Variants in LUC7L2 observed in about 807,000 individuals in gnomAD.
LUC7L2 encodes the protein LUC7 like 2, pre-mRNA splicing factor.
In LUC7L2, 25 loss-of-function variants were observed where a neutral mutation model predicts 52.8. The observed-to-expected ratio is 0.47, with a 90% confidence interval of 0.34 to 0.66. LUC7L2 has a LOEUF of 0.66. Ranked by LOEUF, LUC7L2 falls within the 30% of genes least tolerant of loss-of-function variation. The probability of loss-of-function intolerance (pLI) is 0.01; values close to 1 mark genes in which losing one functional copy is unlikely to be tolerated. For missense variants in LUC7L2, 328 were observed against 497.8 expected, an observed-to-expected ratio of 0.66 and a Z score of 3.25; for synonymous variants, 144 against 160.9, an observed-to-expected ratio of 0.89 and a Z score of 0.80.
At chr7:139,359,043 T>C (rs1423895210), upstream of LUC7L2, 1 of 152,218 alleles carries the variant, frequency 6.6e-6, no homozygotes, top group Non-Finnish European at 1.5e-5. Context: ...GGGCTAAGTA[T>C]TTTATTCCAG....
chr7:139,417,542 A>G lies in LUC7L2; in HGVS notation c.814A>G (p.Arg272Gly). ...AAATCAAATCTTGTCTGGTAGATCC[A>G]GGTCCAGAGAGCATCGCAGACATCG... ...RSHSKNPKRS[R>G]SREHRRHRSR... The change falls in exon 9 of 10, where the codon AGG becomes GGG. Residue 272 changes from arginine (R) to glycine (G), a missense_variant. Arg to Gly is a moderately radical substitution (Grantham distance 125). Coordinates refer to ENST00000354926, the MANE Select transcript of LUC7L2 (RefSeq NM_016019.5). 6.2e-7 allele frequency: 1 copy of G among 1,610,710 alleles called. No individual in the cohort carries two copies. The highest frequency in any genetic ancestry group is 2.2e-5 in the East Asian group (1 of 44,848).
intron 4 of LUC7L2, 44 bp from the exon 5 acceptor site, chr7:139,405,600 C>A (rs1487942998): frequency 1.3e-6 from 2 of 1,535,604 alleles, no homozygotes; most frequent in Non-Finnish European, 1.7e-6. Context: ...ATTTAAAATT[C>A]ATTCTCTTGT....
chr7:139,391,307 C>A (rs1447816169), intron 2 of LUC7L2, among the ~76,000 whole-genome samples: 1 of 152,140 alleles, frequency 6.6e-6, no homozygotes, highest in African/African-American at 2.4e-5. Flanking sequence ...TATTCTCATG[C>A]TGTTCTGTAA....
chr7:139,397,670 A>AT (rs1286624900), intron 2 of LUC7L2, among the ~76,000 whole-genome samples: 2 of 152,012 alleles, frequency 1.3e-5, no homozygotes, highest in Non-Finnish European at 2.9e-5. Flanking sequence ...CATCTTGCCA[A>AT]TTTTTTCTCA....
At chr7:139,379,549 C>CTTTTTTTTTTTTTTTTTTTTTTTTTTT (rs539771697) in intron 2 of LUC7L2, among the ~76,000 whole-genome samples, 1 of 52,684 alleles carries the variant, frequency 1.9e-5, no homozygotes, top group Non-Finnish European at 3.2e-5. Flanking sequence ...ATAACTAATG[C>CTTTTTTTTTTTTTTTTTTTTTTTTTTT]TTTTTTTTTT....
intron 1 of LUC7L2, among the ~76,000 whole-genome samples, chr7:139,373,578 A>G (rs1800561417): frequency 6.6e-6 from 1 of 151,664 alleles, no homozygotes; most frequent in Admixed American, 6.6e-5. Flanking sequence ...ATGTACAACT[A>G]TTATGTATCC....
At chr7:139,417,444 A>G in intron 8 of LUC7L2, 94 bp from the exon 9 acceptor site, 1 of 1,471,146 alleles carries the variant, frequency 6.8e-7, no homozygotes, top group Non-Finnish European at 9.2e-7. Context: ...CATTAAGACT[A>G]CTGAAAAAAA....
chr7:139,411,204 A>G (rs977775563), intron 7 of LUC7L2, among the ~76,000 whole-genome samples: 27 of 152,226 alleles, frequency 1.8e-4, no homozygotes, highest in African/African-American at 5.5e-4. Context: ...TTGTTTGCCA[A>G]ATGGCAAGTT....
At chr7:139,420,728 T>C (rs1253423644) in intron 9 of LUC7L2, among the ~76,000 whole-genome samples, 3 of 152,172 alleles carry the variant, frequency 2.0e-5, no homozygotes, top group Non-Finnish European at 4.4e-5. Flanking sequence ...TACCATCTCT[T>C]TTCATATTTT....
At chr7:139,362,806 C>T (rs536602961) in intron 1 of LUC7L2, among the ~76,000 whole-genome samples, 198 of 151,870 alleles carry the variant, frequency 1.3e-3, no homozygotes, top group African/African-American at 4.5e-3. Flanking sequence ...GGTTTCTTCC[C>T]CCTCCCCTTC....
At chr7:139,409,512 G>A in intron 6 of LUC7L2, 51 bp from the exon 7 acceptor site, 1 of 1,554,050 alleles carries the variant, frequency 6.4e-7, no homozygotes. Flanking sequence ...GGATAAAGCT[G>A]TTTAAGAATG....
chr7:139,419,425 T>C (rs1482158717), intron 9 of LUC7L2, among the ~76,000 whole-genome samples: 1 of 152,236 alleles, frequency 6.6e-6, no homozygotes, highest in Admixed American at 6.5e-5. Flanking sequence ...GAGTGATTTG[T>C]AGGCCTCTTA....
In LUC7L2 at chr7:139,407,000, G is replaced by GTTTTTTTTTTTTTTTTTTTT. The variant is rs779013466; in HGVS notation, c.511-174_511-173insTTTTTTTTTTTTTTTTTTTT. ...CATAACAAAATAGCCATGCTTTTGT[G>GTTTTTTTTTTTTTTTTTTTT]GTTTTTTTTTTTTTTTTTTTTTGAG... is the stretch of plus-strand genomic sequence containing the variant. On this transcript the variant is annotated intron_variant, in intron 5 of 9. Coordinates refer to ENST00000354926, the MANE Select transcript of LUC7L2 (RefSeq NM_016019.5). Among the ~76,000 whole-genome samples, 3 of 111,610 alleles carry GTTTTTTTTTTTTTTTTTTTT rather than the reference G, an allele frequency of 2.7e-5. 1 individual carries two copies. Among genetic ancestry groups the GTTTTTTTTTTTTTTTTTTTT allele is most frequent in the African/African-American group, 7.5e-5 (2 of 26,604 alleles). The allele number at this position is 111,610 out of a possible 152,430, so 73.2% of individuals were successfully genotyped here.
chr7:139,375,358 A>G (rs1043852286), intron 1 of LUC7L2: 4 of 985,326 alleles, frequency 4.1e-6, no homozygotes, highest in African/African-American at 3.5e-5. Context: ...AGCTCAGACT[A>G]CATAAAACTT....
At chr7:139,399,622 A>G (rs1794813640) in intron 3 of LUC7L2, among the ~76,000 whole-genome samples, 1 of 151,712 alleles carries the variant, frequency 6.6e-6, no homozygotes, top group Admixed American at 6.6e-5. Flanking sequence ...GGCGCCTGCC[A>G]CCACACCCAG....
At chr7:139,352,024 G>C (rs996274891) in intron 1 of LUC7L2, among the ~76,000 whole-genome samples, 2 of 151,412 alleles carry the variant, frequency 1.3e-5, no homozygotes, top group Non-Finnish European at 2.9e-5. Flanking sequence ...ATGAGACCCT[G>C]TCTCTAAAAA....
chr7:139,370,091 C>T (rs1263290164), intron 1 of LUC7L2, among the ~76,000 whole-genome samples: 1 of 152,096 alleles, frequency 6.6e-6, no homozygotes, highest in Non-Finnish European at 1.5e-5. Flanking sequence ...TAGATCAAGA[C>T]ATATTAAATG....
chr7:139,419,655 T>C, intron 9 of LUC7L2, among the ~76,000 whole-genome samples: 1 of 152,218 alleles, frequency 6.6e-6, no homozygotes, highest in South Asian at 2.1e-4. Flanking sequence ...ATGGGAAGGA[T>C]GGGCGTGAAG....
At chr7:139,367,957 TGA>T (rs1218052237) in intron 1 of LUC7L2, among the ~76,000 whole-genome samples, 1 of 152,210 alleles carries the variant, frequency 6.6e-6, no homozygotes, top group Non-Finnish European at 1.5e-5. Flanking sequence ...AAAGTGGCTG[TGA>T]GCCTGCATTA....
Sources: allele counts gnomAD v4.1 joint callset (sites outside exome capture counted in the v4.1 genomes callset), GRCh38; gene constraint gnomAD v4.1.1; transcripts MANE v1.5; gene names NCBI Gene and HGNC (gene_info 2026-07-23, HGNC 2026-07-21).